Variants in ENPP6 observed in about 807,000 individuals in gnomAD.
ENPP6 encodes the protein ectonucleotide pyrophosphatase/phosphodiesterase 6, also known as glycerophosphocholine cholinephosphodiesterase ENPP6.
A neutral mutation model predicts 42.0 loss-of-function variants in ENPP6; 32 were observed. The ratio of observed to expected loss-of-function variants is 0.76; its 90% CI spans 0.58 to 1.02. ENPP6 has a LOEUF of 1.02. ENPP6 is among the 50% of genes least tolerant of loss of function. ENPP6 has a pLI of 0.00. For synonymous variants in ENPP6, 213 were observed against 216.0 expected, an observed-to-expected ratio of 0.99 and a Z score of 0.12; for missense variants, 552 against 566.8, an observed-to-expected ratio of 0.97 and a Z score of 0.27.
intron 1 of ENPP6, among the ~76,000 whole-genome samples, chr4:184,172,886 G>T (rs73007872): frequency 0.02 from 3,038 of 152,112 alleles, 113 homozygotes; most frequent in African/African-American, 0.07. Flanking sequence ...GCAACAGAAC[G>T]ATATTTATCC....
rs148531049 is a variant in ENPP6 at position 184,200,019 on chromosome 4, C to T, written c.241+17560G>A. ...TGTGAAGCTGTCTCCCTCCTCAAAG[C>T]GATATACACATATGCAATGGACTGA... On this transcript the variant is annotated intron_variant, in intron 1 of 7. Coordinates refer to ENST00000296741, the MANE Select transcript of ENPP6 (RefSeq NM_153343.4). Among the ~76,000 whole-genome samples, 275 of 152,288 alleles carry T rather than the reference C, an allele frequency of 1.8e-3. 3 individuals are homozygous for T. The highest frequency in any genetic ancestry group is 6.2e-3 in the African/African-American group (256 of 41,542).
chr4:184,120,306 C>G (rs1736395395), intron 3 of ENPP6, among the ~76,000 whole-genome samples: 1 of 152,196 alleles, frequency 6.6e-6, no homozygotes. Flanking sequence ...TTCATTAGTC[C>G]AGGCACCACT....
intron 1 of ENPP6, among the ~76,000 whole-genome samples, chr4:184,206,252 T>TTCTC (rs1491264597): frequency 1.7e-5 from 1 of 58,184 alleles, no homozygotes; most frequent in African/African-American, 1.4e-4. Context: ...GAAGCTTGAA[T>TTCTC]TTTTTTTTTT....
chr4:184,138,504 G>T (rs191341969), intron 2 of ENPP6, among the ~76,000 whole-genome samples: 1 of 151,616 alleles, frequency 6.6e-6, no homozygotes, highest in African/African-American at 2.4e-5. Context: ...TGAACCATCT[G>T]TCTGGTGCTA....
At chr4:184,131,616 G>A in intron 2 of ENPP6, among the ~76,000 whole-genome samples, 1 of 150,580 alleles carries the variant, frequency 6.6e-6, no homozygotes, top group African/African-American at 2.5e-5. Context: ...CACCTGCCTT[G>A]GCCTCCCAAA....
chr4:184,125,167 T>C (rs1430359266), intron 2 of ENPP6, among the ~76,000 whole-genome samples: 4 of 152,170 alleles, frequency 2.6e-5, no homozygotes, highest in Non-Finnish European at 5.9e-5. Context: ...GGGAGGTGCA[T>C]GCTTCCTGGG....
intron 1 of ENPP6, among the ~76,000 whole-genome samples, chr4:184,212,434 A>C (rs1277545148): frequency 6.7e-6 from 1 of 149,856 alleles, no homozygotes; most frequent in East Asian, 1.9e-4. Flanking sequence ...AAGCATTCTT[A>C]TACACCAACA....
chr4:184,151,593 A>C (rs1737026468), intron 2 of ENPP6, among the ~76,000 whole-genome samples: 2 of 152,198 alleles, frequency 1.3e-5, no homozygotes, highest in Admixed American at 1.3e-4. Context: ...AAGTCAAACT[A>C]TCCAGTTATC....
intron 2 of ENPP6, among the ~76,000 whole-genome samples, chr4:184,147,425 T>C (rs7661245): frequency 0.091 from 13,835 of 152,198 alleles, 2,118 homozygotes; most frequent in African/African-American, 0.31. Flanking sequence ...AAAATGCAAG[T>C]ATGATGCCAT....
intron 5 of ENPP6, among the ~76,000 whole-genome samples, chr4:184,116,506 G>A (rs1475172228): frequency 2.0e-5 from 3 of 151,816 alleles, no homozygotes; most frequent in African/African-American, 4.8e-5. Flanking sequence ...AGGCCGAGGC[G>A]GGTGGATCAC....
chr4:184,174,083 C>T (rs531455863), intron 1 of ENPP6, among the ~76,000 whole-genome samples: 1 of 151,582 alleles, frequency 6.6e-6, no homozygotes, highest in Admixed American at 6.6e-5. Context: ...GATCCGATGC[C>T]ACAGCTTTAC....
chr4:184,092,803 G>A (rs1735831653), intron 7 of ENPP6, among the ~76,000 whole-genome samples: 1 of 152,246 alleles, frequency 6.6e-6, no homozygotes, highest in African/African-American at 2.4e-5. Context: ...TTGTTTGGGG[G>A]CCGTAAAGCC....
At chr4:184,189,920 A>G (rs1055378909) in intron 1 of ENPP6, among the ~76,000 whole-genome samples, 3 of 152,226 alleles carry the variant, frequency 2.0e-5, no homozygotes, top group Admixed American at 6.5e-5. Context: ...TGAGGAGACA[A>G]GTGGTTGGAT....
chr4:184,135,404 ATCT>A (rs1736716122), intron 2 of ENPP6, among the ~76,000 whole-genome samples: 2 of 152,190 alleles, frequency 1.3e-5, no homozygotes, highest in Non-Finnish European at 2.9e-5. Context: ...GAACTGTTAC[ATCT>A]TCTTAGCAGA....
At position 184,097,234 on chromosome 4, in the gene ENPP6, T is replaced by A. The variant is rs1488229959; in HGVS notation, c.1117+11A>T. On this transcript the variant is annotated intron_variant, in intron 7 of 7. Transcript: ENST00000296741. ...TGGGGTCTGAGAGCATCTGGTCATT[T>A]CCTCGCCTACCAGGTCCGAAGGCCA... 6.2e-7 allele frequency: 1 copy of A among 1,614,110 alleles called. No homozygotes were observed. Among genetic ancestry groups the A allele is most frequent in the South Asian group, 1.1e-5 (1 of 91,078 alleles).
rs1736223472 is a variant in ENPP6 at position 184,112,715 on chromosome 4, G to A, written c.950C>T (p.Ser317Phe). 6.2e-7 allele frequency: 1 copy of A among 1,614,154 alleles called. No individual in the cohort carries two copies. Among genetic ancestry groups the A allele is most frequent in the African/African-American group, 1.3e-5 (1 of 75,048 alleles). Residue 317 changes from serine (S) to phenylalanine (F), a missense_variant, in exon 6 of 8, where the codon TCT becomes TTT. Ser to Phe is a radical substitution (Grantham distance 155). This residue lies in a region of ENPP6 where 545 missense variants were observed against 546.3 expected (regional missense o/e 1.00). Transcript: ENST00000296741. Reference sequence around the variant, plus strand: ...TTCATCAGCCACTAAAGTCAAAGGAGAGACAAACTTTCCTTTCTTGTAATA... The same window carrying A: ...TTCATCAGCCACTAAAGTCAAAGGAAAGACAAACTTTCCTTTCTTGTAATA... Reference protein sequence around the residue: ...RFYYKKGKFVSPLTLVADEGW... With the variant: ...RFYYKKGKFVFPLTLVADEGW...
At position 184,183,618 on chromosome 4, in the gene ENPP6, A is replaced by G. The variant is rs532046632; in HGVS notation, c.242-29885T>C. ...TTCTTTCTTGGAAAAGCAAATGAAT[A>G]TCTTCTTTTCAGGACAGTTTCAATT... On this transcript the variant is annotated intron_variant, in intron 1 of 7. Transcript: ENST00000296741. 1.4e-3 allele frequency among the ~76,000 whole-genome samples: 214 copies of G among 152,326 alleles called. 1 individual carries two copies. The highest frequency in any genetic ancestry group is 2.4e-3 in the Non-Finnish European group (164 of 68,026).
rs766595682 is a variant in ENPP6 at position 184,097,383 on chromosome 4, G to A, written c.994-15C>T. On this transcript the variant is annotated splice_polypyrimidine_tract_variant and intron_variant, in intron 6 of 7. Transcript: ENST00000296741. ...ATCTCTCGATTCTGAAACCAAGCAAGGCAGACACATGACACTACGTCCTGA... is the reference window on the plus strand; with the variant it reads ...ATCTCTCGATTCTGAAACCAAGCAAAGCAGACACATGACACTACGTCCTGA... 16 of 1,613,728 alleles carry A rather than the reference G, an allele frequency of 9.9e-6. 1 individual carries two copies. Among genetic ancestry groups the A allele is most frequent in the South Asian group, 2.2e-5 (2 of 91,074 alleles).
intron 1 of ENPP6, among the ~76,000 whole-genome samples, chr4:184,163,685 G>A (rs565682774): frequency 2.6e-5 from 4 of 152,262 alleles, no homozygotes; most frequent in Admixed American, 2.6e-4. Context: ...TCTTAATTCC[G>A]GTGTATAACC....
Sources: gnomAD v4.1 joint callset for allele counts (sites outside exome capture counted in the v4.1 genomes callset) on GRCh38, gnomAD v4.1.1 for gene constraint, gnomAD v4.1.1 regional missense constraint, MANE v1.5 for transcripts, NCBI Gene and HGNC (gene_info 2026-07-23, HGNC 2026-07-21) for gene names.